Variants in IGF1R observed in about 807,000 individuals in gnomAD.
IGF1R encodes the protein insulin like growth factor 1 receptor.
A neutral mutation model predicts 144.6 loss-of-function variants in IGF1R; 44 were observed. The observed-to-expected ratio is 0.30, with a 90% CI of 0.24 to 0.39. The LOEUF (loss-of-function observed/expected upper bound fraction) is 0.39, where lower values mean the gene tolerates loss of function less well. Ranked by LOEUF, IGF1R falls within the 10% of genes least tolerant of loss-of-function variation. IGF1R has a pLI of 1.00. For synonymous variants in IGF1R, 795 were observed against 722.8 expected (o/e 1.10, Z -1.60); for missense variants, 1,355 against 1,833.7 (o/e 0.74, Z 4.77).
intron 2 of IGF1R, among the ~76,000 whole-genome samples, chr15:98,741,952 G>A (rs2054755967): frequency 6.6e-6 from 1 of 152,208 alleles, no homozygotes; most frequent in African/African-American, 2.4e-5. Flanking sequence ...AGAAAGACCT[G>A]CAGTATGCTT....
At chr15:98,739,395 T>C (rs913800095) in intron 2 of IGF1R, among the ~76,000 whole-genome samples, 9 of 152,138 alleles carry the variant, frequency 5.9e-5, no homozygotes, top group South Asian at 4.1e-4. Context: ...AGCGGCACTT[T>C]GATGTTTTTT....
intron 10 of IGF1R, 56 bp downstream of exon 10, chr15:98,916,932 G>T (rs753720713): frequency 4.3e-5 from 64 of 1,472,540 alleles, no homozygotes; most frequent in Non-Finnish European, 5.6e-5. Flanking sequence ...GGCCGGTTCT[G>T]TTGCCTTTCT....
intron 6 of IGF1R, among the ~76,000 whole-genome samples, chr15:98,910,157 C>G (rs575595627): frequency 2.0e-4 from 30 of 152,258 alleles, no homozygotes; most frequent in African/African-American, 7.2e-4. Context: ...CGCTGACTGA[C>G]CTAGGGCTGA....
intron 1 of IGF1R, among the ~76,000 whole-genome samples, chr15:98,668,977 T>C (rs1382783419): frequency 1.3e-5 from 2 of 152,234 alleles, no homozygotes; most frequent in African/African-American, 4.8e-5. Flanking sequence ...CATTAACTGT[T>C]TACCAGTCAT....
At chr15:98,785,494 G>T (rs560346758) in intron 2 of IGF1R, among the ~76,000 whole-genome samples, 1 of 152,238 alleles carries the variant, frequency 6.6e-6, no homozygotes, top group South Asian at 2.1e-4. Flanking sequence ...TCATAAGGAA[G>T]GGTAGCAAAA....
At chr15:98,761,400 C>T (rs185617121) in intron 2 of IGF1R, among the ~76,000 whole-genome samples, 29 of 152,236 alleles carry the variant, frequency 1.9e-4, no homozygotes, top group African/African-American at 6.3e-4. Flanking sequence ...TGGAAGGAAG[C>T]GAGGATGGAC....
Position 98,957,766 on chromosome 15 carries a change from CCTTT to C in IGF1R, c.*327_*330del, listed in dbSNP as rs755876806. The C allele has an allele frequency of 5.0e-5, 21 of 420,536 alleles. No homozygotes were observed. The highest frequency in any genetic ancestry group is 7.7e-5 in the Non-Finnish European group (18 of 232,784). 26.1% of individuals were successfully genotyped at this position (420,536 alleles called of 1,614,324 possible). On this transcript the variant is annotated 3_prime_UTR_variant, in exon 21 of 21. Transcript: ENST00000650285. ...TCTGTCCCTGTCCTTCCCTGTTCTC[CCTTT>C]CTCTCTCCTCTCTGCTTCATAACGG...
chr15:98,662,334 G>A (rs1176840325), intron 1 of IGF1R, among the ~76,000 whole-genome samples: 1 of 152,048 alleles, frequency 6.6e-6, no homozygotes, highest in African/African-American at 2.4e-5. Flanking sequence ...CCGGACGTCT[G>A]AGTCTCAGGT....
chr15:98,855,578 T>G (rs1337388148), intron 2 of IGF1R, among the ~76,000 whole-genome samples: 4 of 152,242 alleles, frequency 2.6e-5, no homozygotes, highest in Non-Finnish European at 5.9e-5. Context: ...TGATGTCCTT[T>G]ATTATACTTT....
At chr15:98,863,725 G>A (rs183604083) in intron 2 of IGF1R, among the ~76,000 whole-genome samples, 2 of 152,320 alleles carry the variant, frequency 1.3e-5, no homozygotes, top group East Asian at 3.9e-4. Context: ...TGAAGAAGAT[G>A]ACAGGAGATG....
At chr15:98,948,893 G>A (rs1375531597) in intron 20 of IGF1R, among the ~76,000 whole-genome samples, 185 bp downstream of exon 20, 4 of 152,164 alleles carry the variant, frequency 2.6e-5, no homozygotes, top group Admixed American at 6.5e-5. Context: ...GTGCTTTTCC[G>A]TGGGTACCTT....
At chr15:98,715,527 C>T (rs1223818894) in intron 2 of IGF1R, among the ~76,000 whole-genome samples, 2 of 152,184 alleles carry the variant, frequency 1.3e-5, no homozygotes, top group East Asian at 1.9e-4. Context: ...TTCTTTGTTG[C>T]GTTAATACCT....
chr15:98,732,974 TAAAAG>T (rs956256230), intron 2 of IGF1R, among the ~76,000 whole-genome samples: 5 of 152,024 alleles, frequency 3.3e-5, no homozygotes, highest in African/African-American at 7.2e-5. Flanking sequence ...TATAGGGAGT[TAAAAG>T]AAAGGAGCAC....
chr15:98,765,690 A>T (rs1423285825), intron 2 of IGF1R, among the ~76,000 whole-genome samples: 1 of 152,184 alleles, frequency 6.6e-6, no homozygotes, highest in African/African-American at 2.4e-5. Context: ...AAAGCTCTTT[A>T]AAAAGAAAAA....
At chr15:98,818,020 T>G (rs1345483837) in intron 2 of IGF1R, among the ~76,000 whole-genome samples, 1 of 152,234 alleles carries the variant, frequency 6.6e-6, no homozygotes, top group East Asian at 1.9e-4. Flanking sequence ...AGCTACCTTC[T>G]CACTGTATCC....
intron 2 of IGF1R, among the ~76,000 whole-genome samples, chr15:98,760,308 T>G (rs180992822): frequency 6.7e-4 from 101 of 151,586 alleles, no homozygotes; most frequent in African/African-American, 2.4e-3. Context: ...GCCAAGACTG[T>G]GTCATTGCAC....
intron 1 of IGF1R, among the ~76,000 whole-genome samples, chr15:98,663,643 C>A (rs1443948481): frequency 6.6e-6 from 1 of 152,196 alleles, no homozygotes; most frequent in Non-Finnish European, 1.5e-5. Context: ...TTAGAGGAGT[C>A]CAGGCTGGAG....
At chr15:98,902,480 CTG>C in intron 5 of IGF1R, among the ~76,000 whole-genome samples, 1 of 145,288 alleles carries the variant, frequency 6.9e-6, no homozygotes, top group South Asian at 2.2e-4. Context: ...TGTAGTGGCG[CTG>C]TCTCGGCTCA....
At position 98,957,281 on chromosome 15, in the gene IGF1R, C is replaced by T. The variant is rs144738779; in HGVS notation, c.3943C>T (p.Pro1315Ser). Residue 1315 changes from proline (P) to serine (S), a missense_variant, in exon 21 of 21, where the codon CCA (proline) becomes TCA (serine). Around this residue, in one of 7 missense-constraint regions of IGF1R, gnomAD observed 219 missense variants for 188.8 expected, o/e 1.16. Transcript: ENST00000650285. ...CCCCTCGGCCTCCTCGTCCTCCCTG[C>T]CACTGCCCGACAGACACTCAGGACA... ...LDPSASSSSLPLPDRHSGHKA... is the reference protein window; with the variant it reads ...LDPSASSSSLSLPDRHSGHKA... The T allele has an allele frequency of 6.2e-6, 10 of 1,613,806 alleles. No homozygotes were observed. The African/African-American group carries it at 1.2e-4, about 19-fold the overall frequency.
Sources: allele counts gnomAD v4.1 joint callset (sites outside exome capture counted in the v4.1 genomes callset), GRCh38; gene constraint gnomAD v4.1.1; regional missense constraint gnomAD v4.1.1; transcripts MANE v1.5; gene names NCBI Gene and HGNC (gene_info 2026-07-23, HGNC 2026-07-21).